SLC4A10: variants seen among roughly 807,000 people sequenced by gnomAD.
The protein encoded by SLC4A10 is sodium-driven chloride bicarbonate exchanger.
SLC4A10 carries 42 observed loss-of-function variants against 137.7 expected under a neutral mutation model. That is an observed-to-expected ratio of 0.30 (90% CI 0.24 to 0.39). The LOEUF (loss-of-function observed/expected upper bound fraction) is 0.39, where lower values mean the gene tolerates loss of function less well. SLC4A10 is among the 10% of genes least tolerant of loss of function. The pLI is 1.00. For missense variants in SLC4A10, 925 were observed against 1,355.0 expected (o/e 0.68, Z 4.98); for synonymous variants, 474 against 464.1 (o/e 1.02, Z -0.27).
chr2:161,932,102 C>CT (rs999589045), intron 15 of SLC4A10, among the ~76,000 whole-genome samples: 4 of 151,866 alleles, frequency 2.6e-5, no homozygotes, highest in East Asian at 1.9e-4. Context: ...GGTGTTGGGC[C>CT]TTTTTTTTCT....
chr2:161,777,555 G>A (rs956988100), intron 2 of SLC4A10, among the ~76,000 whole-genome samples: 12 of 152,100 alleles, frequency 7.9e-5, no homozygotes, highest in South Asian at 2.1e-4. Flanking sequence ...ACAGTTCTGC[G>A]TGGCTGGGAA....
intron 1 of SLC4A10, among the ~76,000 whole-genome samples, chr2:161,709,333 G>A (rs1288484995): frequency 6.6e-6 from 1 of 151,588 alleles, no homozygotes; most frequent in East Asian, 1.9e-4. Flanking sequence ...CATAGCAAAG[G>A]AAGTTTGGTG....
chr2:161,733,972 A>T (rs1029656795), intron 1 of SLC4A10, among the ~76,000 whole-genome samples: 1 of 152,136 alleles, frequency 6.6e-6, no homozygotes, highest in Non-Finnish European at 1.5e-5. Flanking sequence ...AATTTCTCCC[A>T]TTTGGAACAG....
intron 26 of SLC4A10, among the ~76,000 whole-genome samples, chr2:161,978,402 GAAAAGAAAAAGA>G (rs1318429961): frequency 4.3e-5 from 3 of 69,536 alleles, no homozygotes; most frequent in Non-Finnish European, 9.2e-5. Context: ...AAAAAAAAAA[GAAAAGAAAAAGA>G]AAAAGAAAAA....
At chr2:161,860,079 T>G (rs2060347970) in intron 5 of SLC4A10, among the ~76,000 whole-genome samples, 1 of 152,244 alleles carries the variant, frequency 6.6e-6, no homozygotes, top group African/African-American at 2.4e-5. Context: ...GATTACTAAT[T>G]CAGATTCCTT....
intron 2 of SLC4A10, among the ~76,000 whole-genome samples, chr2:161,773,701 C>A (rs1360496297): frequency 6.6e-6 from 1 of 151,680 alleles, no homozygotes; most frequent in East Asian, 1.9e-4. Context: ...GGGAAATGAT[C>A]CCCTGCTCAA....
At chr2:161,788,745 G>A (rs932872525) in intron 2 of SLC4A10, among the ~76,000 whole-genome samples, 5 of 152,154 alleles carry the variant, frequency 3.3e-5, no homozygotes, top group African/African-American at 9.7e-5. Flanking sequence ...TCTGCCCTTC[G>A]TTGCTGGGAC....
intron 8 of SLC4A10, among the ~76,000 whole-genome samples, chr2:161,878,506 A>G (rs1030641249): frequency 2.0e-5 from 3 of 152,144 alleles, no homozygotes; most frequent in Non-Finnish European, 1.5e-5. Context: ...CAGAAATTCA[A>G]CTATAGCTCT....
chr2:161,705,363 A>C (rs2043543304), intron 1 of SLC4A10, among the ~76,000 whole-genome samples: 1 of 151,526 alleles, frequency 6.6e-6, no homozygotes, highest in Non-Finnish European at 1.5e-5. Flanking sequence ...AGTGCATTGG[A>C]TCACATGATC....
At chr2:161,886,084 G>A (rs939668964) in intron 10 of SLC4A10, among the ~76,000 whole-genome samples, 1 of 152,154 alleles carries the variant, frequency 6.6e-6, no homozygotes, top group Non-Finnish European at 1.5e-5. Flanking sequence ...GGGCAATAGA[G>A]CCAGACCTTG....
intron 1 of SLC4A10, among the ~76,000 whole-genome samples, chr2:161,675,281 A>G (rs566215220): frequency 1.3e-5 from 2 of 152,236 alleles, no homozygotes; most frequent in East Asian, 1.9e-4. Context: ...TTATTCTCCA[A>G]AGATGCCACG....
At chr2:161,865,512 C>A (rs1380240345) in intron 6 of SLC4A10, among the ~76,000 whole-genome samples, 1 of 152,006 alleles carries the variant, frequency 6.6e-6, no homozygotes, top group Non-Finnish European at 1.5e-5. Flanking sequence ...TAATAAGATT[C>A]ATATACCCAA....
chr2:161,899,757 C>G (rs917293115), intron 11 of SLC4A10, among the ~76,000 whole-genome samples: 12 of 152,124 alleles, frequency 7.9e-5, no homozygotes, highest in African/African-American at 2.4e-4. Flanking sequence ...CTCTTAAATC[C>G]CTTTATTAAT....
intron 12 of SLC4A10, among the ~76,000 whole-genome samples, chr2:161,903,710 T>C (rs1183960086): frequency 6.6e-6 from 1 of 152,164 alleles, no homozygotes; most frequent in Non-Finnish European, 1.5e-5. Context: ...GAGATTAGAG[T>C]AATCCTTGAA....
intron 15 of SLC4A10, among the ~76,000 whole-genome samples, chr2:161,927,015 G>A (rs911947126): frequency 2.1e-4 from 32 of 152,052 alleles, no homozygotes; most frequent in African/African-American, 6.5e-4. Flanking sequence ...TTCAACTTTG[G>A]TGAATCTGAA....
chr2:161,649,233 T>C (rs990323369), intron 1 of SLC4A10, among the ~76,000 whole-genome samples: 6 of 152,240 alleles, frequency 3.9e-5, no homozygotes, highest in South Asian at 2.1e-4. Flanking sequence ...GCTGGGCATG[T>C]TCCTGTAGTC....
At chr2:161,818,881 G>A (rs1055393051) in intron 3 of SLC4A10, among the ~76,000 whole-genome samples, 1 of 152,234 alleles carries the variant, frequency 6.6e-6, no homozygotes, top group Non-Finnish European at 1.5e-5. Flanking sequence ...CAGTTTGCCA[G>A]TATTTTATTG....
chr2:161,655,575 T>A (rs1268428814), intron 1 of SLC4A10, among the ~76,000 whole-genome samples: 3 of 152,208 alleles, frequency 2.0e-5, no homozygotes, highest in Non-Finnish European at 4.4e-5. Flanking sequence ...CAGGATCAGA[T>A]GGCTTCACTG....
At chr2:161,971,959 A>G (rs1698608644) in intron 23 of SLC4A10, among the ~76,000 whole-genome samples, 1 of 152,250 alleles carries the variant, frequency 6.6e-6, no homozygotes, top group African/African-American at 2.4e-5. Flanking sequence ...AAGAAAAAAC[A>G]AAATTTTTCC....
Sources: gnomAD v4.1 joint callset for allele counts (sites outside exome capture counted in the v4.1 genomes callset) on GRCh38, gnomAD v4.1.1 for gene constraint, MANE v1.5 for transcripts, NCBI Gene and HGNC (gene_info 2026-07-23, HGNC 2026-07-21) for gene names.